The following INSL6 variants were observed in gnomAD, a reference collection of about 807,000 sequenced individuals.
The protein encoded by INSL6 is insulin like 6, also known as insulin-like peptide INSL6.
A neutral mutation model predicts 9.4 loss-of-function variants in INSL6; 16 were observed. The observed-to-expected ratio is 1.70, with a 90% CI of 1.15 to 2.59. INSL6 has a LOEUF of 2.59. Among genes scored for constraint, INSL6 ranks in the 30% most tolerant of loss-of-function variants. The probability of loss-of-function intolerance (pLI) is 0.00; values close to 1 mark genes in which losing one functional copy is unlikely to be tolerated. For synonymous variants in INSL6, 154 were observed against 96.9 expected, an observed-to-expected ratio of 1.59 and a Z score of -3.46; for missense variants, 391 against 257.3, an observed-to-expected ratio of 1.52 and a Z score of -3.56.
the INSL6 span, chr9:5,081,675 A>G: frequency 1.5e-6 from 2 of 1,378,640 alleles, no homozygotes; most frequent in African/African-American, 2.9e-5. Context: ...AGTTTAGTCC[A>G]GAGAATGTTA....
intron 3 of INSL6, chr9:5,126,838 GT>G: frequency 8.5e-7 from 1 of 1,170,110 alleles, no homozygotes; most frequent in Non-Finnish European, 1.3e-6. Context: ...ACAGAACAAA[GT>G]TTTATATTTC....
the INSL6 span, among the ~76,000 whole-genome samples, chr9:5,115,000 T>C: frequency 2.3e-3 from 346 of 152,240 alleles, 2 homozygotes; most frequent in African/African-American, 7.8e-3. Flanking sequence ...ATTCAGGACA[T>C]AGGCATGGGC....
At chr9:5,102,687 C>T in the INSL6 span, among the ~76,000 whole-genome samples, 3 of 152,298 alleles carry the variant, frequency 2.0e-5, no homozygotes, top group Admixed American at 6.5e-5. Flanking sequence ...AGACTAACAG[C>T]GGATCTCTCA....
At position 5,179,683 on chromosome 9, in the gene INSL6, T is replaced by C. The variant is rs145342116; in HGVS notation, c.289+5631A>G. Reference sequence around the variant, plus strand: ...GCAGCTATAAAAAAGAATGAGATCATGTCCTTTGCAGGGACATGGATGGAG... The same window carrying C: ...GCAGCTATAAAAAAGAATGAGATCACGTCCTTTGCAGGGACATGGATGGAG... On this transcript the variant is annotated intron_variant, in intron 1 of 1. Transcript: ENST00000381641. Among the ~76,000 whole-genome samples the C allele has an allele frequency of 3.7e-3, 569 of 152,326 alleles. 6 individuals carry two copies. Among genetic ancestry groups the C allele is most frequent in the African/African-American group, 0.013 (520 of 41,586 alleles).
chr9:5,088,491 T>A, the INSL6 span, among the ~76,000 whole-genome samples: 2 of 152,168 alleles, frequency 1.3e-5, no homozygotes, highest in Admixed American at 1.3e-4. Flanking sequence ...ACCAATTCTA[T>A]GTACTTAATG....
At chr9:5,084,164 A>G in the INSL6 span, among the ~76,000 whole-genome samples, 1 of 152,284 alleles carries the variant, frequency 6.6e-6, no homozygotes, top group South Asian at 2.1e-4. Flanking sequence ...ATACATGTAC[A>G]ATGAAATATA....
the INSL6 span, among the ~76,000 whole-genome samples, chr9:5,113,102 C>T: frequency 6.6e-6 from 1 of 152,060 alleles, no homozygotes; most frequent in Non-Finnish European, 1.5e-5. Flanking sequence ...GCTCCCCCTG[C>T]CCCCGTATCT....
At chr9:5,147,894 C>A (rs770457042) in intron 2 of INSL6, among the ~76,000 whole-genome samples, 5 of 152,108 alleles carry the variant, frequency 3.3e-5, no homozygotes, top group Non-Finnish European at 5.9e-5. Flanking sequence ...TCAATAAGTT[C>A]AGTTTGAGTC....
chr9:5,179,167 A>G (rs1825386391), intron 1 of INSL6, among the ~76,000 whole-genome samples: 1 of 152,202 alleles, frequency 6.6e-6, no homozygotes, highest in Non-Finnish European at 1.5e-5. Context: ...ACAAATTTAC[A>G]AGAAAAAAAC....
At chr9:5,015,777 G>A in the INSL6 span, among the ~76,000 whole-genome samples, 12 of 152,090 alleles carry the variant, frequency 7.9e-5, no homozygotes, top group East Asian at 9.6e-4. Flanking sequence ...ATTTAAATTC[G>A]GGAAACATTT....
intron 2 of INSL6, among the ~76,000 whole-genome samples, chr9:5,135,593 TA>T (rs1488522571): frequency 6.6e-5 from 10 of 152,116 alleles, no homozygotes; most frequent in Non-Finnish European, 2.9e-5. Flanking sequence ...AGAAACAATG[TA>T]CCAGAATCTC....
intron 1 of INSL6, among the ~76,000 whole-genome samples, chr9:5,174,829 C>T (rs7040922): frequency 0.36 from 55,370 of 152,048 alleles, 11,046 homozygotes; most frequent in African/African-American, 0.55. Context: ...CTACTGATAC[C>T]GTCTTCCAAA....
At chr9:5,180,554 G>A (rs953194679) in intron 1 of INSL6, among the ~76,000 whole-genome samples, 24 of 152,052 alleles carry the variant, frequency 1.6e-4, no homozygotes, top group African/African-American at 5.1e-4. Flanking sequence ...CAGCCGCTTC[G>A]GGAATGTCTG....
chr9:5,128,862 G>A (rs568349890), intron 3 of INSL6, among the ~76,000 whole-genome samples: 3 of 152,020 alleles, frequency 2.0e-5, no homozygotes, highest in African/African-American at 4.8e-5. Context: ...TATTTTTCAC[G>A]TTAATATTCT....
In INSL6 at chr9:5,135,710, G is replaced by T. The variant is rs534451315; in HGVS notation, c.377-2118C>A. Among the ~76,000 whole-genome samples the T allele has an allele frequency of 1.7e-4, 26 of 152,134 alleles. No homozygotes were observed. The South Asian group carries it at 5.2e-3, about 30-fold the overall frequency. ...TGACACCCTAACATCACAATTAAAAGAACTAGAGAAACAAGAGCAAACAAA... is the reference window on the plus strand; with the variant it reads ...TGACACCCTAACATCACAATTAAAATAACTAGAGAAACAAGAGCAAACAAA... On this transcript the variant is annotated intron_variant, in intron 2 of 3. Coordinates refer to the INSL6 transcript ENST00000649639.
chr9:4,995,531 G>A, the INSL6 span, among the ~76,000 whole-genome samples: 21 of 152,308 alleles, frequency 1.4e-4, no homozygotes, highest in African/African-American at 4.8e-4. Context: ...CTCTGCTGCT[G>A]TGAAATGCTG....
chr9:5,168,483 A>G (rs778533725), intron 1 of INSL6, among the ~76,000 whole-genome samples: 2 of 152,188 alleles, frequency 1.3e-5, no homozygotes, highest in Non-Finnish European at 2.9e-5. Flanking sequence ...AAAATATCAG[A>G]GCTTGAAGAC....
the INSL6 span, among the ~76,000 whole-genome samples, chr9:5,021,730 AT>A: frequency 6.6e-6 from 1 of 152,106 alleles, no homozygotes; most frequent in Admixed American, 6.5e-5. Context: ...GGTTCAAGCA[AT>A]TCTTCCGCTC....
In INSL6 at chr9:5,134,159, G is replaced by A. The variant is rs547474234; in HGVS notation, c.377-567C>T. Among the ~76,000 whole-genome samples, 6 of 152,236 alleles carry A rather than the reference G, an allele frequency of 3.9e-5. No individual in the cohort carries two copies. In the East Asian group the frequency reaches 1.2e-3, roughly 29 times the overall value. ...AAGATTAGAGAAAAAAGAGTGAAAA[G>A]AAACTAACAAAGCCTCCAAGAAATA... On this transcript the variant is annotated intron_variant, in intron 2 of 3. Transcript: ENST00000649639.
Sources: allele counts gnomAD v4.1 joint callset (sites outside exome capture counted in the v4.1 genomes callset), GRCh38; gene constraint gnomAD v4.1.1; transcripts MANE v1.5; gene names NCBI Gene and HGNC (gene_info 2026-07-23, HGNC 2026-07-21).